ADRA1A: variants seen among roughly 807,000 people sequenced by gnomAD.
ADRA1A encodes adrenoceptor alpha 1A.
In ADRA1A, 31 loss-of-function variants were observed where a neutral mutation model predicts 29.6. The observed-to-expected ratio is 1.05, with a 90% CI of 0.79 to 1.41. ADRA1A has a LOEUF of 1.41. Ranked by LOEUF, ADRA1A falls within the 40% of genes most tolerant of loss-of-function variation. ADRA1A has a pLI of 0.00. For missense variants in ADRA1A, 619 were observed against 601.1 expected (o/e 1.03, Z -0.31); for synonymous variants, 311 against 254.3 (o/e 1.22, Z -2.12).
chr8:26,835,537 C>T (rs774457729), intron 2 of ADRA1A, among the ~76,000 whole-genome samples: 4 of 152,072 alleles, frequency 2.6e-5, no homozygotes, highest in South Asian at 2.1e-4. Flanking sequence ...GAGGGCCAAG[C>T]GAAGGGAGAA....
downstream of ADRA1A, among the ~76,000 whole-genome samples, chr8:26,755,922 T>C (rs1370142926): frequency 2.0e-5 from 3 of 152,268 alleles, no homozygotes; most frequent in African/African-American, 7.2e-5. Context: ...TGTTCTAGAA[T>C]TTGAGGGACA....
intron 2 of ADRA1A, among the ~76,000 whole-genome samples, chr8:26,783,469 C>T (rs912559734): frequency 3.9e-5 from 6 of 152,152 alleles, no homozygotes; most frequent in South Asian, 4.1e-4. Context: ...AATAAATATA[C>T]GTCTCCTATA....
chr8:26,754,411 G>A (rs940564615), downstream of ADRA1A, among the ~76,000 whole-genome samples: 25 of 151,616 alleles, frequency 1.6e-4, no homozygotes, highest in Non-Finnish European at 3.1e-4. Context: ...CAACTTAGTC[G>A]ACCAAATACC....
downstream of ADRA1A, among the ~76,000 whole-genome samples, chr8:26,766,893 A>G (rs555962909): frequency 3.4e-4 from 52 of 150,810 alleles, no homozygotes; most frequent in African/African-American, 1.3e-3. Context: ...ATTTACCCAA[A>G]CACTACTGTC....
At chr8:26,835,829 A>G (rs527249690) in intron 2 of ADRA1A, 1 of 152,146 alleles carries the variant, frequency 6.6e-6, no homozygotes, top group Non-Finnish European at 1.5e-5. Context: ...ATTTTTTGTT[A>G]TTTCCACTTC....
chr8:26,790,868 T>C (rs1054887583), intron 2 of ADRA1A, among the ~76,000 whole-genome samples: 1 of 152,208 alleles, frequency 6.6e-6, no homozygotes, highest in Non-Finnish European at 1.5e-5. Flanking sequence ...AAGAAGGTCA[T>C]AGCAACCATG....
chr8:26,805,390 G>A lies in ADRA1A; in HGVS notation c.884-34724C>T, dbSNP rs947045547. On this transcript the variant is annotated intron_variant, in intron 2 of 2. Coordinates refer to ENST00000380573, the MANE Select transcript of ADRA1A (RefSeq NM_000680.4). This position sits in a 1 kb window ranked among gnomAD's most constrained non-coding sequence, Gnocchi z 4.8. ...GAATTATTCCCACTTTAAAGATGAA[G>A]CAAATCACTTGTCTACTACGCTACA... 1.3e-5 allele frequency among the ~76,000 whole-genome samples: 2 copies of A among 152,186 alleles called. No individual in the cohort carries two copies. Among genetic ancestry groups the A allele is most frequent in the Non-Finnish European group, 2.9e-5 (2 of 68,028 alleles).
At position 26,864,527 on chromosome 8, in the gene ADRA1A, A is replaced by G. The variant is rs780346708; in HGVS notation, c.443T>C (p.Leu148Pro). 2 of 1,614,072 alleles carry G rather than the reference A, an allele frequency of 1.2e-6. No homozygotes were observed. The highest frequency in any genetic ancestry group is 1.7e-6 in the Non-Finnish European group (2 of 1,180,026). Residue 148 changes from leucine (L) to proline (P), a missense_variant, in exon 2 of 3, where the codon CTC becomes CCC. Physicochemically the swap from Leu to Pro is moderately conservative, Grantham distance 98 (BLOSUM62 -3). Transcript: ENST00000380573. The surrounding 1 kb of genome is among the most constrained non-coding windows in gnomAD (Gnocchi z 8.1). ...GACCAGGGAGAGTGCCCAGACGCAG[A>G]GCAGAGCCATGAGACCCCTCCTCTG... ...VTQRRGLMAL[L>P]CVWALSLVIS...
chr8:26,821,239 A>G lies in ADRA1A; in HGVS notation c.883+42848T>C, dbSNP rs997096339. Among the ~76,000 whole-genome samples, 11 of 152,152 alleles carry G rather than the reference A, an allele frequency of 7.2e-5. No individual in the cohort carries two copies. Among genetic ancestry groups the G allele is most frequent in the African/African-American group, 2.7e-4 (11 of 41,434 alleles). ...ATGAAGAAATACCCGAGGCTGGATG[A>G]GTTATAAAGAAAGAGGTTTAATTGG... On this transcript the variant is annotated intron_variant, in intron 2 of 2. Coordinates refer to ENST00000380573, the MANE Select transcript of ADRA1A (RefSeq NM_000680.4). This position sits in a 1 kb window ranked among gnomAD's most constrained non-coding sequence, Gnocchi z 5.6.
intron 2 of ADRA1A, among the ~76,000 whole-genome samples, chr8:26,855,325 T>C (rs1355176326): frequency 6.6e-6 from 1 of 151,898 alleles, no homozygotes. Flanking sequence ...TCTTGGCACA[T>C]TTGCATATAG....
At position 26,823,323 on chromosome 8, in the gene ADRA1A, T is replaced by A. The variant is rs567852856; in HGVS notation, c.883+40764A>T. Among the ~76,000 whole-genome samples, 3 of 152,240 alleles carry A rather than the reference T, an allele frequency of 2.0e-5. No homozygotes were observed. Among genetic ancestry groups the A allele is most frequent in the Admixed American group, 6.5e-5 (1 of 15,284 alleles). On this transcript the variant is annotated intron_variant, in intron 2 of 2. Transcript: ENST00000380573. The surrounding 1 kb of genome is among the most constrained non-coding windows in gnomAD (Gnocchi z 4.2). ...GGCTGGGCATGGGCGGTGACTTCCA[T>A]CTGCTTCCTCATGGAGCACAGCCTC...
chr8:26,788,631 A>C (rs1807583210), intron 2 of ADRA1A, among the ~76,000 whole-genome samples: 1 of 152,176 alleles, frequency 6.6e-6, no homozygotes, highest in African/African-American at 2.4e-5. Flanking sequence ...CAACCATGTA[A>C]GGTAGGCATT....
intron 2 of ADRA1A, among the ~76,000 whole-genome samples, chr8:26,812,868 G>T (rs1450047952): frequency 3.3e-5 from 5 of 151,810 alleles, no homozygotes; most frequent in African/African-American, 7.3e-5. Context: ...GAGTTTCACC[G>T]TGTTAGCCAG....
At chr8:26,809,272 T>C (rs1223617212) in intron 2 of ADRA1A, among the ~76,000 whole-genome samples, 1 of 152,212 alleles carries the variant, frequency 6.6e-6, no homozygotes, top group African/African-American at 2.4e-5. Flanking sequence ...GCCTAGAATA[T>C]TCTTCCTCTG....
At chr8:26,858,927 A>G (rs1307857506) in intron 2 of ADRA1A, 8 of 624,888 alleles carry the variant, frequency 1.3e-5, no homozygotes, top group East Asian at 7.7e-5. Context: ...ATGCTATTCA[A>G]TGCAGCAAGC....
intron 2 of ADRA1A, among the ~76,000 whole-genome samples, chr8:26,824,293 A>G (rs138728473): frequency 6.0e-4 from 92 of 152,144 alleles, no homozygotes; most frequent in African/African-American, 2.0e-3. Flanking sequence ...GGGTCTATCT[A>G]GTAAGCAAAA....
rs557407760 is a variant in ADRA1A, at chr8:26,769,333, A to G, written c.*816T>C. On this transcript the variant is annotated 3_prime_UTR_variant, in exon 3 of 3. Coordinates refer to ENST00000380573, the MANE Select transcript of ADRA1A (RefSeq NM_000680.4). ...TTTAAAGATATTAGAGAGAAAGCCT[A>G]TCATCATCTGATCTTGGAACTGTTT... The G allele has an allele frequency of 2.1e-5, 21 of 985,336 alleles. No individual in the cohort carries two copies. The African/African-American group carries it at 3.3e-4, about 16-fold the overall frequency. The allele number at this position is 985,336 out of a possible 1,614,324, so 61.0% of individuals were successfully genotyped here.
At chr8:26,849,981 AT>A (rs139018755) in intron 2 of ADRA1A, among the ~76,000 whole-genome samples, 144 of 148,884 alleles carry the variant, frequency 9.7e-4, no homozygotes, top group African/African-American at 2.8e-3. Flanking sequence ...TCAAATGGAA[AT>A]TTAAAAAAAA....
rs114282294 is a variant in ADRA1A at position 26,823,632 on chromosome 8, G to C, written c.883+40455C>G. Among the ~76,000 whole-genome samples, 2 of 152,144 alleles carry C rather than the reference G, an allele frequency of 1.3e-5. No homozygotes were observed. The highest frequency in any genetic ancestry group is 2.9e-5 in the Non-Finnish European group (2 of 68,038). On this transcript the variant is annotated intron_variant, in intron 2 of 2. Coordinates refer to ENST00000380573, the MANE Select transcript of ADRA1A (RefSeq NM_000680.4). This position sits in a 1 kb window ranked among gnomAD's most constrained non-coding sequence, Gnocchi z 4.2. Reference sequence around the variant, plus strand: ...CATATTTGTGTCACCACCTATCTAAGTGGCACCAGGAAGCCCACCTTCCTT... The same window carrying C: ...CATATTTGTGTCACCACCTATCTAACTGGCACCAGGAAGCCCACCTTCCTT...
Sources: allele counts gnomAD v4.1 joint callset (sites outside exome capture counted in the v4.1 genomes callset), GRCh38; gene constraint gnomAD v4.1.1; non-coding constraint Gnocchi (gnomAD v3.1); transcripts MANE v1.5; gene names NCBI Gene and HGNC (gene_info 2026-07-23, HGNC 2026-07-21).